The following INSL6 variants were observed in gnomAD, a reference collection of about 807,000 sequenced individuals.
The protein encoded by INSL6 is insulin-like peptide INSL6.
In INSL6, 16 loss-of-function variants were observed where a neutral mutation model predicts 9.4. The observed-to-expected ratio is 1.70, with a 90% CI of 1.15 to 2.59. The LOEUF is 2.59. Among genes scored for constraint, INSL6 ranks in the 30% most tolerant of loss-of-function variants. The probability of loss-of-function intolerance (pLI) is 0.00; values close to 1 mark genes in which losing one functional copy is unlikely to be tolerated. For synonymous variants in INSL6, 154 were observed against 96.9 expected (o/e 1.59, Z -3.46); for missense variants, 391 against 257.3 (o/e 1.52, Z -3.56).
At chr9:5,068,358 T>A in the INSL6 span, among the ~76,000 whole-genome samples, 2 of 152,144 alleles carry the variant, frequency 1.3e-5, no homozygotes, top group East Asian at 3.8e-4. Flanking sequence ...CTGCAAAATA[T>A]TAAAAATGTA....
At chr9:5,149,769 G>A (rs559649559) in intron 2 of INSL6, among the ~76,000 whole-genome samples, 2 of 152,172 alleles carry the variant, frequency 1.3e-5, no homozygotes, top group East Asian at 3.9e-4. Flanking sequence ...AAGAGCCCAT[G>A]TGGCCAAAGC....
chr9:5,025,499 T>G, the INSL6 span, among the ~76,000 whole-genome samples: 1 of 151,988 alleles, frequency 6.6e-6, no homozygotes, highest in African/African-American at 2.4e-5. Context: ...TCCTTCTTTC[T>G]TTTCTTCTTC....
At chr9:5,142,037 C>T (rs1419469607) in intron 2 of INSL6, among the ~76,000 whole-genome samples, 1 of 151,988 alleles carries the variant, frequency 6.6e-6, no homozygotes, top group Admixed American at 6.6e-5. Flanking sequence ...GGTGTGAAAT[C>T]TTATTTCTGT....
the INSL6 span, chr9:5,040,945 G>C: frequency 2.2e-6 from 1 of 445,756 alleles, no homozygotes; most frequent in Non-Finnish European, 4.2e-6. Flanking sequence ...GCGGAGCCAA[G>C]GAAAGAATCT....
In INSL6 at chr9:5,130,710, AT is replaced by A. The variant is rs1290982828; in HGVS notation, c.*10+2714del. Among the ~76,000 whole-genome samples, 18 of 147,754 alleles carry A rather than the reference AT, an allele frequency of 1.2e-4. 1 individual carries two copies. Among genetic ancestry groups the A allele is most frequent in the South Asian group, 6.3e-4 (3 of 4,766 alleles). ...TCAGAGTATGAATTTTCTTTTTTTT[AT>A]TTTTTTTATTTTTTATTTTTTTTTT... On this transcript the variant is annotated intron_variant, in intron 3 of 3. Coordinates refer to the INSL6 transcript ENST00000649639.
chr9:5,015,664 C>T, the INSL6 span, among the ~76,000 whole-genome samples: 5 of 151,640 alleles, frequency 3.3e-5, no homozygotes, highest in South Asian at 4.2e-4. Flanking sequence ...TTTTCTTTCT[C>T]GTCATGTACT....
the INSL6 span, among the ~76,000 whole-genome samples, chr9:5,039,522 A>G: frequency 2.0e-5 from 3 of 152,152 alleles, no homozygotes; most frequent in African/African-American, 7.2e-5. Context: ...TTCTGGAACT[A>G]GTACTGCATA....
At chr9:5,130,408 T>C (rs1424268104) in intron 3 of INSL6, among the ~76,000 whole-genome samples, 1 of 152,026 alleles carries the variant, frequency 6.6e-6, no homozygotes, top group Non-Finnish European at 1.5e-5. Context: ...TAGATCAAGG[T>C]GGTATGGAAA....
At chr9:5,125,462 A>G (rs536936267) in intron 3 of INSL6, among the ~76,000 whole-genome samples, 1 of 151,572 alleles carries the variant, frequency 6.6e-6, no homozygotes, top group East Asian at 1.9e-4. Context: ...GTAACACTTC[A>G]GTGAACATAG....
At chr9:5,006,817 C>A in the INSL6 span, among the ~76,000 whole-genome samples, 2 of 152,152 alleles carry the variant, frequency 1.3e-5, no homozygotes, top group African/African-American at 4.8e-5. Context: ...GACACAGAAC[C>A]AAACCATATC....
chr9:5,175,789 A>G (rs1292775159), intron 1 of INSL6, among the ~76,000 whole-genome samples: 1 of 152,110 alleles, frequency 6.6e-6, no homozygotes, highest in Non-Finnish European at 1.5e-5. Context: ...CTGATTATCT[A>G]TCACTGTCTC....
downstream of INSL6, among the ~76,000 whole-genome samples, chr9:5,119,650 T>C (rs1823465994): frequency 6.6e-6 from 1 of 152,166 alleles, no homozygotes; most frequent in Admixed American, 6.5e-5. Flanking sequence ...GTAAGGTATA[T>C]GGTACATGGC....
chr9:5,126,128 T>C, intron 3 of INSL6: 1 of 455,660 alleles, frequency 2.2e-6, no homozygotes, highest in Non-Finnish European at 3.9e-6. Flanking sequence ...GTTGAGTTTA[T>C]TACAGCTATG....
chr9:5,070,004 T>C, the INSL6 span: 9 of 1,609,046 alleles, frequency 5.6e-6, no homozygotes, highest in Non-Finnish European at 7.6e-6. Flanking sequence ...GGCCTACTCA[T>C]ATGAACCAAA....
At chr9:5,050,305 ATCATT>A in the INSL6 span, among the ~76,000 whole-genome samples, 1 of 152,162 alleles carries the variant, frequency 6.6e-6, no homozygotes, top group African/African-American at 2.4e-5. Context: ...TTATTTATTA[ATCATT>A]TTAGAGACTG....
At chr9:5,015,363 A>C in the INSL6 span, among the ~76,000 whole-genome samples, 1 of 152,210 alleles carries the variant, frequency 6.6e-6, no homozygotes, top group African/African-American at 2.4e-5. Context: ...GGGTTTAATG[A>C]AATTAAAATG....
At chr9:5,067,022 A>G in the INSL6 span, among the ~76,000 whole-genome samples, 5 of 152,024 alleles carry the variant, frequency 3.3e-5, no homozygotes, top group Admixed American at 1.3e-4. Context: ...TTTTGCATTT[A>G]TTTTATTTTC....
the INSL6 span, among the ~76,000 whole-genome samples, chr9:5,022,597 G>A: frequency 6.6e-5 from 10 of 152,270 alleles, no homozygotes; most frequent in South Asian, 1.9e-3. Flanking sequence ...TGATTAAATG[G>A]CTGACAAACC....
chr9:5,090,272 GT>G, the INSL6 span, among the ~76,000 whole-genome samples: 1 of 152,198 alleles, frequency 6.6e-6, no homozygotes, highest in South Asian at 2.1e-4. Flanking sequence ...TCATTCAAAA[GT>G]TTTTGATTCA....
Sources: allele counts gnomAD v4.1 joint callset (sites outside exome capture counted in the v4.1 genomes callset), GRCh38; gene constraint gnomAD v4.1.1; transcripts MANE v1.5; gene names NCBI Gene and HGNC (gene_info 2026-07-23, HGNC 2026-07-21).